Variants in NELL2 observed in about 807,000 individuals in gnomAD.
The protein encoded by NELL2 is protein kinase C-binding protein NELL2.
In NELL2, 41 loss-of-function variants were observed where a neutral mutation model predicts 109.6. The ratio of observed to expected loss-of-function variants is 0.37; its 90% CI spans 0.29 to 0.49. The LOEUF (loss-of-function observed/expected upper bound fraction) is 0.49, where lower values mean the gene tolerates loss of function less well. NELL2 is among the 20% of genes least tolerant of loss of function. The pLI, the probability that NELL2 is intolerant of heterozygous loss-of-function variation, is 0.98. For synonymous variants in NELL2, 355 were observed against 344.7 expected, an observed-to-expected ratio of 1.03 and a Z score of -0.33; for missense variants, 900 against 1,008.3, an observed-to-expected ratio of 0.89 and a Z score of 1.45.
At chr12:44,743,515 T>A (rs1449102021) in intron 9 of NELL2, among the ~76,000 whole-genome samples, 3 of 151,914 alleles carry the variant, frequency 2.0e-5, no homozygotes, top group Non-Finnish European at 1.5e-5. Flanking sequence ...GCAAATTGGA[T>A]AGAGTCAAGA....
chr12:44,911,093 C>T lies in NELL2; in HGVS notation c.38+2706G>A, dbSNP rs73283036. On this transcript the variant is annotated intron_variant, in intron 1 of 20. Transcript: ENST00000333837. ...GGATCATGCATATCTCAGCATCATG[C>T]AATATACCCATGTAACAAATCTGCA... Among the ~76,000 whole-genome samples, 673 of 152,052 alleles carry T rather than the reference C, an allele frequency of 4.4e-3. 4 individuals carry two copies. The highest frequency in any genetic ancestry group is 0.015 in the African/African-American group (619 of 41,504).
intron 3 of NELL2, among the ~76,000 whole-genome samples, chr12:44,814,134 G>A (rs570153358): frequency 9.2e-5 from 14 of 152,288 alleles, no homozygotes; most frequent in South Asian, 8.3e-4. Context: ...AATGCTGCCT[G>A]ACAAGCCTCA....
At chr12:44,819,520 C>T (rs917703606) in intron 2 of NELL2, among the ~76,000 whole-genome samples, 2 of 152,188 alleles carry the variant, frequency 1.3e-5, no homozygotes, top group African/African-American at 4.8e-5. Context: ...TCCAAGGGAA[C>T]TCTGAGTAGA....
intron 5 of NELL2, among the ~76,000 whole-genome samples, chr12:44,778,893 C>T (rs1480387545): frequency 6.6e-6 from 1 of 152,128 alleles, no homozygotes; most frequent in South Asian, 2.1e-4. Flanking sequence ...ATAAACTTTG[C>T]TTAGAAAACA....
intron 15 of NELL2, among the ~76,000 whole-genome samples, chr12:44,555,020 C>A (rs1347148285): frequency 6.6e-6 from 1 of 152,198 alleles, no homozygotes; most frequent in African/African-American, 2.4e-5. Flanking sequence ...GGAAGACATA[C>A]TCCAACTCTG....
At chr12:44,520,337 A>T in intron 18 of NELL2, 108 bp from the exon 19 acceptor site, 1 of 786,974 alleles carries the variant, frequency 1.3e-6, no homozygotes, top group Non-Finnish European at 2.0e-6. Context: ...CAATTATTTG[A>T]TTGATATTTA....
intron 12 of NELL2, among the ~76,000 whole-genome samples, chr12:44,691,537 C>T (rs778903164): frequency 1.3e-5 from 2 of 152,072 alleles, no homozygotes; most frequent in South Asian, 2.1e-4. Context: ...AAGAGTTGCA[C>T]GTCTCTTGTT....
intron 15 of NELL2, among the ~76,000 whole-genome samples, chr12:44,606,042 T>C (rs1592195724): frequency 6.6e-6 from 1 of 152,280 alleles, no homozygotes; most frequent in Middle Eastern, 3.4e-3. Context: ...ATGATCCCCT[T>C]AAGAAAGAAT....
At chr12:44,679,190 T>C (rs1285627217) in intron 12 of NELL2, among the ~76,000 whole-genome samples, 1 of 151,964 alleles carries the variant, frequency 6.6e-6, no homozygotes, top group Non-Finnish European at 1.5e-5. Context: ...CCACTGAAAC[T>C]AGGGAGAAGG....
chr12:44,571,880 A>T (rs1023987379), intron 15 of NELL2, among the ~76,000 whole-genome samples: 1 of 152,216 alleles, frequency 6.6e-6, no homozygotes, highest in African/African-American at 2.4e-5. Flanking sequence ...ACTCTGGATC[A>T]ATATTAACCA....
intron 2 of NELL2, among the ~76,000 whole-genome samples, chr12:44,822,316 A>G: frequency 6.6e-6 from 1 of 152,216 alleles, no homozygotes; most frequent in East Asian, 1.9e-4. Context: ...ATGAAAACCA[A>G]CAATGGCCAT....
intron 15 of NELL2, among the ~76,000 whole-genome samples, chr12:44,551,340 T>C (rs1943037881): frequency 6.6e-6 from 1 of 152,228 alleles, no homozygotes; most frequent in African/African-American, 2.4e-5. Flanking sequence ...AATATGCATG[T>C]TAATTTTTCC....
chr12:44,675,432 A>T (rs1948274639), intron 12 of NELL2, among the ~76,000 whole-genome samples: 1 of 152,170 alleles, frequency 6.6e-6, no homozygotes, highest in South Asian at 2.1e-4. Flanking sequence ...AAAAAGCAAA[A>T]GTAAACAGTG....
chr12:44,901,662 G>A (rs1426536894), intron 1 of NELL2, among the ~76,000 whole-genome samples: 1 of 152,100 alleles, frequency 6.6e-6, no homozygotes, highest in East Asian at 1.9e-4. Flanking sequence ...ATAAAATACT[G>A]GCAAACTGAA....
At chr12:44,830,994 G>A (rs1171732057) in intron 2 of NELL2, among the ~76,000 whole-genome samples, 1 of 151,786 alleles carries the variant, frequency 6.6e-6, no homozygotes, top group Admixed American at 6.6e-5. Flanking sequence ...TCTGTGGGGG[G>A]ACTGGACTTG....
intron 12 of NELL2, among the ~76,000 whole-genome samples, chr12:44,689,267 A>C (rs930706154): frequency 5.3e-5 from 8 of 152,332 alleles, no homozygotes; most frequent in African/African-American, 1.9e-4. Flanking sequence ...CTTTGAAAGG[A>C]GATCTCGTCC....
chr12:44,623,381 G>A (rs1946126716), intron 13 of NELL2, among the ~76,000 whole-genome samples: 1 of 152,076 alleles, frequency 6.6e-6, no homozygotes, highest in African/African-American at 2.4e-5. Flanking sequence ...TTTAGAAATA[G>A]AGTGAAATCT....
chr12:44,656,457 T>C, intron 13 of NELL2, among the ~76,000 whole-genome samples: 1 of 152,210 alleles, frequency 6.6e-6, no homozygotes, highest in East Asian at 1.9e-4. Context: ...AAGTGCCCAG[T>C]TGAAAGGGTC....
At chr12:44,892,305 A>G (rs961180839) in intron 1 of NELL2, among the ~76,000 whole-genome samples, 2 of 152,166 alleles carry the variant, frequency 1.3e-5, no homozygotes, top group Admixed American at 6.5e-5. Flanking sequence ...TTACTGTCCA[A>G]CTGGGCAGGT....
Sources: gnomAD v4.1 joint callset for allele counts (sites outside exome capture counted in the v4.1 genomes callset) on GRCh38, gnomAD v4.1.1 for gene constraint, MANE v1.5 for transcripts, NCBI Gene and HGNC (gene_info 2026-07-23, HGNC 2026-07-21) for gene names.